CTNNA2: variants seen among roughly 807,000 people sequenced by gnomAD.
The protein encoded by CTNNA2 is catenin alpha 2, also known as catenin alpha-2.
A neutral mutation model predicts 101.0 loss-of-function variants in CTNNA2; 42 were observed. That is an observed-to-expected ratio of 0.42 (90% CI 0.32 to 0.54). CTNNA2 has a LOEUF of 0.54. Ranked by LOEUF, CTNNA2 falls within the 20% of genes least tolerant of loss-of-function variation. The pLI is 0.14. For missense variants in CTNNA2, 871 were observed against 1,223.1 expected (o/e 0.71, Z 4.29); for synonymous variants, 450 against 456.4 (o/e 0.99, Z 0.18).
intron 3 of CTNNA2, among the ~76,000 whole-genome samples, chr2:79,372,036 C>G (rs1242784294): frequency 6.6e-6 from 1 of 152,130 alleles, no homozygotes; most frequent in Non-Finnish European, 1.5e-5. Flanking sequence ...CCTTTTGAAT[C>G]CCATGGGAAG....
At chr2:79,196,051 C>T (rs752961572) in intron 1 of CTNNA2, among the ~76,000 whole-genome samples, 1 of 152,102 alleles carries the variant, frequency 6.6e-6, no homozygotes, top group Non-Finnish European at 1.5e-5. Context: ...ATTCTCCTGC[C>T]TCAGCCTCCT....
intron 7 of CTNNA2, among the ~76,000 whole-genome samples, chr2:79,923,954 C>T (rs1686850490): frequency 6.6e-6 from 1 of 152,114 alleles, no homozygotes; most frequent in Non-Finnish European, 1.5e-5. Flanking sequence ...CCAGCAATCC[C>T]ACTTGTGGGT....
At chr2:79,773,668 T>C (rs1037314295) in intron 3 of CTNNA2, among the ~76,000 whole-genome samples, 1 of 152,124 alleles carries the variant, frequency 6.6e-6, no homozygotes, top group Non-Finnish European at 1.5e-5. Context: ...TCAAGATGTT[T>C]TTCTTTCACA....
intron 7 of CTNNA2, among the ~76,000 whole-genome samples, chr2:79,964,907 C>A (rs1217540536): frequency 6.6e-6 from 1 of 152,190 alleles, no homozygotes; most frequent in African/African-American, 2.4e-5. Context: ...GTGACATGGT[C>A]TAACTCATCC....
At chr2:80,189,690 G>A (rs1455666591) in intron 7 of CTNNA2, among the ~76,000 whole-genome samples, 5 of 152,082 alleles carry the variant, frequency 3.3e-5, no homozygotes, top group Non-Finnish European at 4.4e-5. Context: ...CGCCTATGTG[G>A]CGTTGTTCCA....
intron 1 of CTNNA2, among the ~76,000 whole-genome samples, chr2:79,591,942 G>A (rs914320996): frequency 3.1e-4 from 35 of 111,836 alleles, no homozygotes; most frequent in Non-Finnish European, 5.3e-4. Context: ...TGACTGCTTT[G>A]TCTTTTTTAC....
intron 7 of CTNNA2, among the ~76,000 whole-genome samples, chr2:80,201,106 T>C (rs935968102): frequency 1.3e-5 from 2 of 152,162 alleles, no homozygotes; most frequent in Non-Finnish European, 2.9e-5. Context: ...TTAATTAAAA[T>C]ACCTAATGCA....
intron 9 of CTNNA2, among the ~76,000 whole-genome samples, chr2:80,460,387 T>C (rs888444428): frequency 2.0e-5 from 3 of 152,068 alleles, no homozygotes; most frequent in Admixed American, 1.3e-4. Flanking sequence ...GCTTTTTAGA[T>C]CTTAACACAA....
chr2:79,643,962 C>T (rs531682106), intron 1 of CTNNA2, among the ~76,000 whole-genome samples: 110 of 152,194 alleles, frequency 7.2e-4, no homozygotes, highest in African/African-American at 2.5e-3. Context: ...TAGCCCTACC[C>T]GTCTTACATC....
intron 2 of CTNNA2, among the ~76,000 whole-genome samples, chr2:79,276,637 G>C (rs1390919600): frequency 6.6e-6 from 1 of 151,856 alleles, no homozygotes; most frequent in East Asian, 1.9e-4. Context: ...GTCTATTACG[G>C]TGTTTGTGTA....
chr2:79,330,122 C>T (rs1200712412), intron 3 of CTNNA2, among the ~76,000 whole-genome samples: 1 of 152,174 alleles, frequency 6.6e-6, no homozygotes, highest in East Asian at 1.9e-4. Flanking sequence ...CTACCTGGCA[C>T]TAATTCCAGG....
chr2:79,632,582 G>A (rs1185221591), intron 1 of CTNNA2, among the ~76,000 whole-genome samples: 4 of 152,180 alleles, frequency 2.6e-5, no homozygotes, highest in Admixed American at 6.5e-5. Flanking sequence ...CGTGGCCCAA[G>A]GCCCAAGTTA....
chr2:79,349,193 G>T (rs961812994), intron 3 of CTNNA2, among the ~76,000 whole-genome samples: 5 of 152,162 alleles, frequency 3.3e-5, no homozygotes, highest in African/African-American at 9.7e-5. Flanking sequence ...TGTGGATAGG[G>T]TATTGCAGCA....
At chr2:79,587,596 A>G (rs983348785) in intron 1 of CTNNA2, among the ~76,000 whole-genome samples, 1 of 151,988 alleles carries the variant, frequency 6.6e-6, no homozygotes, top group Non-Finnish European at 1.5e-5. Context: ...CTAGTCACTG[A>G]CACACAGGTG....
intron 3 of CTNNA2, among the ~76,000 whole-genome samples, chr2:79,747,312 C>T (rs1022945900): frequency 6.6e-6 from 1 of 152,140 alleles, no homozygotes; most frequent in Admixed American, 6.5e-5. Flanking sequence ...TGTTTTCATG[C>T]ATCTATAGCC....
intron 7 of CTNNA2, among the ~76,000 whole-genome samples, chr2:80,287,319 C>A (rs1312666781): frequency 1.3e-5 from 2 of 152,116 alleles, no homozygotes; most frequent in East Asian, 3.9e-4. Context: ...TTCCCCCCTC[C>A]CGTGATACCT....
At chr2:79,480,510 A>G (rs1671097692) in intron 4 of CTNNA2, among the ~76,000 whole-genome samples, 1 of 152,152 alleles carries the variant, frequency 6.6e-6, no homozygotes, top group South Asian at 2.1e-4. Context: ...TATTATATTA[A>G]CATTGTACTG....
intron 6 of CTNNA2, among the ~76,000 whole-genome samples, chr2:79,907,283 C>A (rs558292094): frequency 9.9e-5 from 15 of 151,922 alleles, no homozygotes; most frequent in Admixed American, 7.2e-4. Context: ...CCAGGTATTT[C>A]TTCAATTAGA....
At chr2:80,266,538 A>G (rs1005662188) in intron 7 of CTNNA2, among the ~76,000 whole-genome samples, 16 of 152,322 alleles carry the variant, frequency 1.1e-4, no homozygotes, top group Non-Finnish European at 4.4e-5. Flanking sequence ...GATTTGTTAT[A>G]CAATTTTTCT....
Sources: allele counts gnomAD v4.1 joint callset (sites outside exome capture counted in the v4.1 genomes callset), GRCh38; gene constraint gnomAD v4.1.1; transcripts MANE v1.5; gene names NCBI Gene and HGNC (gene_info 2026-07-23, HGNC 2026-07-21).